TMEM108: variants seen among roughly 807,000 people sequenced by gnomAD.
TMEM108 encodes transmembrane protein 108.
A neutral mutation model predicts 35.1 loss-of-function variants in TMEM108; 12 were observed. The ratio of observed to expected loss-of-function variants is 0.34; its 90% CI spans 0.22 to 0.55. The LOEUF is 0.55. Ranked by LOEUF, TMEM108 falls within the 20% of genes least tolerant of loss-of-function variation. TMEM108 has a pLI of 0.89. For missense variants in TMEM108, 680 were observed against 753.3 expected (o/e 0.90, Z 1.14); for synonymous variants, 287 against 308.6 (o/e 0.93, Z 0.73).
chr3:133,168,705 C>T (rs567729458), intron 2 of TMEM108, among the ~76,000 whole-genome samples: 10 of 152,310 alleles, frequency 6.6e-5, no homozygotes, highest in Non-Finnish European at 5.9e-5. Flanking sequence ...GAGCCAGCAG[C>T]GGCAACCCAC....
rs138458116 is a variant in TMEM108, at chr3:133,256,851, C to T, written c.40+27500C>T. 2.5e-3 allele frequency among the ~76,000 whole-genome samples: 387 copies of T among 152,282 alleles called. 1 individual carries two copies. Among genetic ancestry groups the T allele is most frequent in the African/African-American group, 8.8e-3 (367 of 41,560 alleles). ...ATGGACCAAACTAGCCAGTTAAGTG[C>T]TCCACAATTCACTTCATGAAATTAC... On this transcript the variant is annotated intron_variant, in intron 3 of 5. Transcript: ENST00000321871.
At chr3:133,095,076 T>G (rs1943996226) in intron 2 of TMEM108, among the ~76,000 whole-genome samples, 1 of 152,230 alleles carries the variant, frequency 6.6e-6, no homozygotes, top group Non-Finnish European at 1.5e-5. Context: ...TAGGCCCTCT[T>G]TAGATAACTA....
chr3:133,292,217 G>A (rs2107696307), intron 3 of TMEM108, among the ~76,000 whole-genome samples: 1 of 152,296 alleles, frequency 6.6e-6, no homozygotes, highest in Non-Finnish European at 1.5e-5. Context: ...GTATGGATAA[G>A]GAAATATGTG....
intron 4 of TMEM108, among the ~76,000 whole-genome samples, chr3:133,381,692 G>A (rs1271793001): frequency 6.6e-6 from 1 of 152,052 alleles, no homozygotes; most frequent in Admixed American, 6.6e-5. Context: ...CCTCTTTCTT[G>A]TGTTTTCTCT....
intron 2 of TMEM108, among the ~76,000 whole-genome samples, chr3:133,100,995 T>A (rs1373584474): frequency 1.3e-5 from 2 of 149,636 alleles, no homozygotes; most frequent in African/African-American, 5.1e-5. Context: ...ATTAAGAACA[T>A]TTCCTCATTG....
chr3:133,112,949 C>G (rs1398434001), intron 2 of TMEM108, among the ~76,000 whole-genome samples: 1 of 151,968 alleles, frequency 6.6e-6, no homozygotes, highest in East Asian at 1.9e-4. Flanking sequence ...AACATTAAAA[C>G]AAAAAGAAAC....
chr3:133,232,865 G>A (rs561272427), intron 3 of TMEM108, among the ~76,000 whole-genome samples: 26 of 152,204 alleles, frequency 1.7e-4, no homozygotes, highest in Non-Finnish European at 3.2e-4. Context: ...GCTTGAGTAT[G>A]AGGGTGGTGA....
intron 2 of TMEM108, among the ~76,000 whole-genome samples, chr3:133,137,585 C>A (rs1944582656): frequency 6.6e-6 from 1 of 152,164 alleles, no homozygotes. Context: ...TCTTGACTGC[C>A]TGTTAGACCA....
intron 3 of TMEM108, among the ~76,000 whole-genome samples, chr3:133,354,934 G>A (rs1235948673): frequency 4.0e-5 from 6 of 151,184 alleles, no homozygotes; most frequent in Non-Finnish European, 7.4e-5. Context: ...ACTTTAAAAT[G>A]ATCGTCACTT....
chr3:133,379,715 C>T (rs1161394590), intron 3 of TMEM108, 37 bp from the exon 4 acceptor site: 1 of 1,591,260 alleles, frequency 6.3e-7, no homozygotes, highest in African/African-American at 1.3e-5. Context: ...TGCTGCTCCC[C>T]AAGTATTTTA....
intron 2 of TMEM108, among the ~76,000 whole-genome samples, chr3:133,090,441 G>C (rs79586932): frequency 1.3e-5 from 2 of 152,230 alleles, no homozygotes; most frequent in Non-Finnish European, 2.9e-5. Context: ...TAATAGGGGC[G>C]TGAGGCCCTT....
chr3:133,050,977 A>AG (rs1559816452), intron 2 of TMEM108, among the ~76,000 whole-genome samples: 3 of 124,110 alleles, frequency 2.4e-5, no homozygotes, highest in African/African-American at 8.1e-5. Context: ...TCTGTGTGCG[A>AG]GTTTTTTTTT....
chr3:133,305,996 A>G (rs1436920189), intron 3 of TMEM108, among the ~76,000 whole-genome samples: 5 of 152,240 alleles, frequency 3.3e-5, no homozygotes, highest in South Asian at 2.1e-4. Context: ...ATAGGTCTTT[A>G]GCAAACCTAT....
chr3:133,263,488 A>G (rs1037420740), intron 3 of TMEM108, among the ~76,000 whole-genome samples: 3 of 152,202 alleles, frequency 2.0e-5, no homozygotes, highest in African/African-American at 7.2e-5. Context: ...AAATCTGTGA[A>G]CACTGTAGCC....
At chr3:133,276,464 C>T (rs537567308) in intron 3 of TMEM108, among the ~76,000 whole-genome samples, 134 of 152,324 alleles carry the variant, frequency 8.8e-4, no homozygotes, top group African/African-American at 3.1e-3. Flanking sequence ...ATGGCATTTG[C>T]AATCCTGATG....
At chr3:133,174,706 A>G (rs1300948266) in intron 2 of TMEM108, among the ~76,000 whole-genome samples, 3 of 152,238 alleles carry the variant, frequency 2.0e-5, no homozygotes, top group African/African-American at 7.2e-5. Context: ...CCAAAGGTAG[A>G]TAAAACCACA....
intron 4 of TMEM108, chr3:133,386,852 G>A (rs184617973): frequency 3.2e-6 from 2 of 623,440 alleles, no homozygotes; most frequent in East Asian, 2.3e-4. Flanking sequence ...GCAGTAATTA[G>A]TTGGGTGATC....
chr3:133,224,816 A>ATATAT (rs1491286559), intron 2 of TMEM108, among the ~76,000 whole-genome samples: 1 of 151,556 alleles, frequency 6.6e-6, no homozygotes, highest in East Asian at 2.0e-4. Flanking sequence ...TGCATAAAAC[A>ATATAT]AGAAGCAATG....
rs146923363 is a variant in TMEM108, at chr3:133,247,810, C to T, written c.40+18459C>T. 2.4e-3 allele frequency: 359 copies of T among 152,240 alleles called. 2 individuals carry two copies. The highest frequency in any genetic ancestry group is 7.9e-3 in the African/African-American group (329 of 41,534). 9.4% of individuals were successfully genotyped at this position (152,240 alleles called of 1,614,324 possible). A position where few individuals can be genotyped will look rare whatever the true frequency, so the allele number is the denominator to read the frequency against. On this transcript the variant is annotated intron_variant, in intron 3 of 5. Transcript: ENST00000321871. ...AATGAAAAGACATGAACCCTGCCCT[C>T]CAAGAGTTCCCAGGCCAGTGGAGAA...
Sources: gnomAD v4.1 joint callset for allele counts (sites outside exome capture counted in the v4.1 genomes callset) on GRCh38, gnomAD v4.1.1 for gene constraint, MANE v1.5 for transcripts, NCBI Gene and HGNC (gene_info 2026-07-23, HGNC 2026-07-21) for gene names.